The following ALS2 variants were observed in gnomAD, a reference collection of about 807,000 sequenced individuals.
ALS2 encodes alsin.
ALS2 carries 117 observed loss-of-function variants against 203.4 expected under a neutral mutation model. The observed-to-expected ratio is 0.58, with a 90% CI of 0.50 to 0.67. The LOEUF (loss-of-function observed/expected upper bound fraction) is 0.67, where lower values mean the gene tolerates loss of function less well. ALS2 is among the 30% of genes least tolerant of loss of function. ALS2 has a pLI of 0.00. For synonymous variants in ALS2, 718 were observed against 725.9 expected (o/e 0.99, Z 0.17); for missense variants, 1,715 against 1,989.4 (o/e 0.86, Z 2.62).
intron 15 of ALS2, among the ~76,000 whole-genome samples, chr2:201,728,238 C>G (rs1386432480): frequency 6.6e-6 from 1 of 152,144 alleles, no homozygotes; most frequent in Non-Finnish European, 1.5e-5. Flanking sequence ...AATGCTATCC[C>G]TCCCTCCTCC....
Position 201,727,714 on chromosome 2 carries a change from G to T in ALS2, c.2903C>A (p.Ala968Asp). The T allele has an allele frequency of 6.4e-7, 1 of 1,551,686 alleles. No individual in the cohort carries two copies. The highest frequency in any genetic ancestry group is 8.7e-7 in the Non-Finnish European group (1 of 1,146,984). ...TLWAEPLSEEAGGVNGLKITT... is the reference protein window; with the variant it reads ...TLWAEPLSEEDGGVNGLKITT... Reference sequence around the variant, plus strand: ...GGGGGGACGCACTTACACACCACCAGCTTCTTCAGACAGTGGCTCTGCCCA... The same window carrying T: ...GGGGGGACGCACTTACACACCACCATCTTCTTCAGACAGTGGCTCTGCCCA... Residue 968 changes from alanine to aspartate, a missense_variant, in exon 16 of 34, where the codon GCT becomes GAT. This residue lies in a region of ALS2 where 1,227 missense variants were observed against 1,413.5 expected (regional missense o/e 0.87). Transcript: ENST00000264276.
intron 3 of ALS2, chr2:201,765,623 G>A (rs1574796142): frequency 6.0e-6 from 1 of 166,540 alleles, no homozygotes; most frequent in South Asian, 2.1e-4. Context: ...AAATACCAAA[G>A]CATTATTTAA....
chr2:201,749,802 C>G lies in ALS2; in HGVS notation c.1738-13G>C. ...CCCATGAGTAAACCTATCAAAAAAA[C>G]ACAGAAAAGTAGCTAAGCGTTGTGA... On this transcript the variant is annotated splice_polypyrimidine_tract_variant and intron_variant, in intron 7 of 33. Coordinates refer to ENST00000264276, the MANE Select transcript of ALS2 (RefSeq NM_020919.4). 2 of 1,611,266 alleles carry G rather than the reference C, an allele frequency of 1.2e-6. No individual in the cohort carries two copies. Among genetic ancestry groups the G allele is most frequent in the African/African-American group, 1.3e-5 (1 of 74,966 alleles).
intron 25 of ALS2, 91 bp from the exon 26 acceptor site, chr2:201,711,199 A>G: frequency 1.2e-6 from 1 of 829,912 alleles, no homozygotes; most frequent in Non-Finnish European, 2.1e-6. Context: ...CACTAGCTCC[A>G]GTCAAAGTGG....
chr2:201,763,448 GC>G, intron 3 of ALS2: 1 of 262,602 alleles, frequency 3.8e-6, no homozygotes, highest in African/African-American at 2.2e-5. Flanking sequence ...CAGCTAACTG[GC>G]CCCCAACCTC....
intron 13 of ALS2, among the ~76,000 whole-genome samples, chr2:201,731,930 G>A (rs569359880): frequency 9.1e-4 from 138 of 152,228 alleles, no homozygotes; most frequent in Non-Finnish European, 1.8e-3. Flanking sequence ...GATGGGAGTG[G>A]GAGTGTTTCA....
intron 9 of ALS2, 136 bp downstream of exon 9, chr2:201,746,430 T>C: frequency 1.0e-6 from 1 of 973,132 alleles, no homozygotes; most frequent in East Asian, 2.4e-5. Context: ...GAAGGGGGCT[T>C]GAAAGGAGTT....
chr2:201,706,941 C>T lies in ALS2; in HGVS notation c.4485G>A (p.Leu1495=). Residue 1495 remains leucine (L), a synonymous_variant, in exon 29 of 34, where the codon TTG becomes TTA. Transcript: ENST00000264276. The stretch of plus-strand genomic sequence containing the variant: ...AAATGTCTTCCTCGCGATCATTATC[C>T]AAAGCATAAAGCATAAACAGCGGTG... The part of the protein sequence containing the change: ...LYPPLFMLYA[L]DNDREEDIYW... 1 of 1,614,012 alleles carries T rather than the reference C, an allele frequency of 6.2e-7. No homozygotes were observed. Among genetic ancestry groups the T allele is most frequent in the Non-Finnish European group, 8.5e-7 (1 of 1,179,994 alleles).
Position 201,761,056 on chromosome 2 carries a change from G to C in ALS2, c.938C>G (p.Thr313Arg), listed in dbSNP as rs749422183. The change falls in exon 4 of 34, where the codon ACA (threonine) becomes AGA (arginine). Residue 313 changes from threonine to arginine, a missense_variant. By Grantham distance (71) the Thr-to-Arg change is moderately conservative. Transcript: ENST00000264276. ...TTGAGAGGACATGGCATCGCTGCTT[G>C]TGATCTGAGCACTTACTGCATTCAG... ...TELNAVSAQITSSDAMSSQQN... is the reference protein window; with the variant it reads ...TELNAVSAQIRSSDAMSSQQN... The C allele has an allele frequency of 2.5e-6, 4 of 1,614,036 alleles. No homozygotes were observed. In the Admixed American group the frequency reaches 5.0e-5, roughly 20 times the overall value.
At chr2:201,721,971 C>T (rs1041212930) in intron 23 of ALS2, 2 of 152,140 alleles carry the variant, frequency 1.3e-5, no homozygotes, top group African/African-American at 4.8e-5. Flanking sequence ...ACTTCTTAGA[C>T]ATAACATCAA....
At chr2:201,739,019 G>A (rs545985550) in intron 11 of ALS2, among the ~76,000 whole-genome samples, 3 of 151,500 alleles carry the variant, frequency 2.0e-5, no homozygotes, top group African/African-American at 4.8e-5. Context: ...CGGGAGGATC[G>A]CTTGAGCCTA....
chr2:201,753,096 G>T, intron 7 of ALS2, 50 bp downstream of exon 7: 1 of 1,426,812 alleles, frequency 7.0e-7, no homozygotes. Context: ...ACAATGTCAT[G>T]TTGGCCTTCC....
At chr2:201,727,615 G>A (rs563307735) in intron 16 of ALS2, 90 bp downstream of exon 16, 85 of 1,121,288 alleles carry the variant, frequency 7.6e-5, no homozygotes, top group Middle Eastern at 4.2e-4. Flanking sequence ...GACTGTCTCC[G>A]AAGCCTTCCT....
intron 27 of ALS2, 87 bp from the exon 28 acceptor site, chr2:201,708,078 G>T: frequency 1.5e-6 from 2 of 1,293,990 alleles, no homozygotes; most frequent in South Asian, 1.2e-5. Flanking sequence ...AGTTATGAGA[G>T]CAAGCTTTAT....
At chr2:201,741,143 C>T (rs1224466861) in intron 11 of ALS2, 1 of 154,140 alleles carries the variant, frequency 6.5e-6, no homozygotes, top group African/African-American at 2.4e-5. Flanking sequence ...TTCAAGTACA[C>T]TTGGGATATT....
intron 5 of ALS2, among the ~76,000 whole-genome samples, chr2:201,755,305 C>G (rs1287084628): frequency 6.6e-6 from 1 of 152,056 alleles, no homozygotes; most frequent in African/African-American, 2.4e-5. Context: ...TCTTGTCATC[C>G]AGGCTGGAGT....
chr2:201,724,879 C>T (rs1028534429), intron 20 of ALS2, among the ~76,000 whole-genome samples: 6 of 151,978 alleles, frequency 3.9e-5, no homozygotes, highest in Middle Eastern at 3.4e-3. Flanking sequence ...TTTGGGAGGC[C>T]GAGGCGGGTG....
At chr2:201,748,931 T>A (rs1263223688) in intron 8 of ALS2, among the ~76,000 whole-genome samples, 2 of 152,194 alleles carry the variant, frequency 1.3e-5, no homozygotes, top group Non-Finnish European at 1.5e-5. Flanking sequence ...CCTTCTTTAA[T>A]CTCCATTACT....
chr2:201,707,988 G>A lies in ALS2; in HGVS notation c.4284C>T (p.Phe1428=). The A allele has an allele frequency of 6.2e-7, 1 of 1,611,472 alleles. No homozygotes were observed. The highest frequency in any genetic ancestry group is 8.5e-7 in the Non-Finnish European group (1 of 1,178,372). The change falls in exon 28 of 34, where the codon TTC becomes TTT. Residue 1428 remains phenylalanine, a synonymous_variant. Transcript: ENST00000264276. ...CTTCTTCAGGCAGCTCAGGAAATAA[G>A]AACCTAAGGAAGAATAAAAAATATA... is the stretch of plus-strand genomic sequence containing the variant. ...YLKRIFQLVR[F]LFPELPEEGS...
Sources: allele counts gnomAD v4.1 joint callset (sites outside exome capture counted in the v4.1 genomes callset), GRCh38; gene constraint gnomAD v4.1.1; regional missense constraint gnomAD v4.1.1; transcripts MANE v1.5; gene names NCBI Gene and HGNC (gene_info 2026-07-23, HGNC 2026-07-21).